Variants in MND1 observed in about 807,000 individuals in gnomAD.
The protein encoded by MND1 is meiotic nuclear division protein 1 homolog.
Under a neutral mutation model 35.1 loss-of-function variants are expected in MND1, and 28 were observed. The ratio of observed to expected loss-of-function variants is 0.80; its 90% confidence interval spans 0.59 to 1.09. The LOEUF is 1.09. MND1 is among the 50% of genes least tolerant of loss of function. The probability of loss-of-function intolerance (pLI) is 0.00; values close to 1 mark genes in which losing one functional copy is unlikely to be tolerated. For missense variants in MND1, 213 were observed against 239.6 expected (o/e 0.89, Z 0.73); for synonymous variants, 69 against 70.5 (o/e 0.98, Z 0.11).
chr4:153,354,040 A>G (rs933265606), intron 2 of MND1, among the ~76,000 whole-genome samples: 1 of 152,162 alleles, frequency 6.6e-6, no homozygotes, highest in Admixed American at 6.5e-5. Context: ...TTTTCTAATT[A>G]CTACATACTT....
chr4:153,395,914 G>A (rs775747157), intron 5 of MND1, among the ~76,000 whole-genome samples: 31 of 152,040 alleles, frequency 2.0e-4, no homozygotes, highest in Middle Eastern at 3.4e-3. Context: ...TTTTAGAGAT[G>A]GAATATCTCT....
intron 4 of MND1, among the ~76,000 whole-genome samples, chr4:153,380,852 A>G (rs1728658426): frequency 6.6e-6 from 1 of 152,074 alleles, no homozygotes; most frequent in Admixed American, 6.5e-5. Flanking sequence ...AAAGTATAAT[A>G]TTACAACTCT....
intron 4 of MND1, among the ~76,000 whole-genome samples, chr4:153,389,096 A>C (rs567976036): frequency 2.0e-5 from 3 of 152,248 alleles, no homozygotes; most frequent in Non-Finnish European, 4.4e-5. Flanking sequence ...AGGAAAGGGT[A>C]GGTATATGTA....
intron 4 of MND1, among the ~76,000 whole-genome samples, chr4:153,360,135 G>A (rs984683104): frequency 1.3e-4 from 20 of 152,096 alleles, no homozygotes; most frequent in African/African-American, 4.3e-4. Context: ...AAAAGGAGGT[G>A]TTTAGATCTT....
At chr4:153,358,227 A>T (rs192618465) in intron 3 of MND1, among the ~76,000 whole-genome samples, 38 of 152,276 alleles carry the variant, frequency 2.5e-4, no homozygotes, top group African/African-American at 7.5e-4. Flanking sequence ...CCTGTTCTTA[A>T]TCCTGTATAT....
At chr4:153,404,788 G>T (rs935887031) in intron 6 of MND1, among the ~76,000 whole-genome samples, 1 of 152,034 alleles carries the variant, frequency 6.6e-6, no homozygotes, top group Non-Finnish European at 1.5e-5. Flanking sequence ...CCAAAAATTC[G>T]TTCTTTAAGC....
At chr4:153,376,872 GT>G in intron 4 of MND1, among the ~76,000 whole-genome samples, 1 of 152,164 alleles carries the variant, frequency 6.6e-6, no homozygotes, top group African/African-American at 2.4e-5. Context: ...ACCTAGCACC[GT>G]TTTTGGCATG....
intron 4 of MND1, among the ~76,000 whole-genome samples, chr4:153,382,399 C>G (rs895388438): frequency 1.3e-5 from 2 of 152,146 alleles, no homozygotes; most frequent in African/African-American, 2.4e-5. Flanking sequence ...AGAATGTGTT[C>G]GCTTGCTTTC....
intron 6 of MND1, among the ~76,000 whole-genome samples, chr4:153,397,653 C>CA (rs11392102): frequency 0.22 from 32,473 of 145,400 alleles, 3,545 homozygotes; most frequent in South Asian, 0.24. Flanking sequence ...CCCATCTCTA[C>CA]AAAAAAAAAA....
At chr4:153,379,697 A>G (rs1464172895) in intron 4 of MND1, among the ~76,000 whole-genome samples, 1 of 151,854 alleles carries the variant, frequency 6.6e-6, no homozygotes. Flanking sequence ...TAAAAATACA[A>G]AAATTAGCTG....
In MND1 at chr4:153,415,031, G is replaced by T; in HGVS notation, c.*174G>T. 1 of 376,986 alleles carries T rather than the reference G, an allele frequency of 2.7e-6. No individual in the cohort carries two copies. Among genetic ancestry groups the T allele is most frequent in the Non-Finnish European group, 4.9e-6 (1 of 205,170 alleles). 23.4% of individuals were successfully genotyped at this position (376,986 alleles called of 1,614,324 possible). On this transcript the variant is annotated 3_prime_UTR_variant, in exon 8 of 8. Transcript: ENST00000240488. The stretch of plus-strand genomic sequence containing the variant: ...CACCCCTTTTGGTAGAACAAAAGCA[G>T]GATGATAACCATATCCCCCCAGTGC...
intron 4 of MND1, among the ~76,000 whole-genome samples, chr4:153,369,232 A>G (rs1773732741): frequency 6.6e-6 from 1 of 152,200 alleles, no homozygotes; most frequent in South Asian, 2.1e-4. Context: ...GGCTTCTCTC[A>G]AAGCAAGCTC....
intron 4 of MND1, among the ~76,000 whole-genome samples, chr4:153,385,305 T>C (rs1401531013): frequency 2.0e-5 from 3 of 152,150 alleles, no homozygotes; most frequent in African/African-American, 7.2e-5. Flanking sequence ...ATGAAAGAGA[T>C]TATTATTAAA....
chr4:153,350,036 T>C (rs1561052913), intron 1 of MND1, 28 bp from the exon 2 acceptor site: 1 of 1,496,598 alleles, frequency 6.7e-7, no homozygotes, highest in Non-Finnish European at 9.2e-7. Context: ...TTAAAAGCAT[T>C]GTTTACTTGT....
intron 6 of MND1, among the ~76,000 whole-genome samples, chr4:153,403,769 T>G (rs1729408101): frequency 6.6e-6 from 1 of 150,592 alleles, no homozygotes; most frequent in South Asian, 2.1e-4. Flanking sequence ...TTTAAATTAA[T>G]TATTACTTTT....
At chr4:153,364,311 A>G (rs1232918378) in intron 4 of MND1, among the ~76,000 whole-genome samples, 7 of 151,818 alleles carry the variant, frequency 4.6e-5, no homozygotes, top group African/African-American at 1.7e-4. Flanking sequence ...GAGCCTAGGA[A>G]TTCAAGACCA....
At chr4:153,403,582 G>C (rs1406011061) in intron 6 of MND1, among the ~76,000 whole-genome samples, 1 of 152,070 alleles carries the variant, frequency 6.6e-6, no homozygotes, top group Non-Finnish European at 1.5e-5. Context: ...CAATCCTGGG[G>C]AGGGGGAAGA....
At chr4:153,359,749 C>T (rs1773433205) in intron 4 of MND1, among the ~76,000 whole-genome samples, 1 of 149,554 alleles carries the variant, frequency 6.7e-6, no homozygotes, top group African/African-American at 2.5e-5. Flanking sequence ...TTTAAATTGC[C>T]ATTCTCTAAT....
Position 153,369,718 on chromosome 4 carries a change from C to T in MND1, c.276+11096C>T, listed in dbSNP as rs80013597. ...TTGCTGAAGGGTAGATGGCTATAGT[C>T]GTTTTTTAAAAATAAGACAACCGTG... On this transcript the variant is annotated intron_variant, in intron 4 of 7. Transcript: ENST00000240488. Among the ~76,000 whole-genome samples, 768 of 151,168 alleles carry T rather than the reference C, an allele frequency of 5.1e-3. 5 individuals are homozygous for T. The highest frequency in any genetic ancestry group is 0.017 in the African/African-American group (725 of 41,474).
Sources: allele counts gnomAD v4.1 joint callset (sites outside exome capture counted in the v4.1 genomes callset), GRCh38; gene constraint gnomAD v4.1.1; transcripts MANE v1.5; gene names NCBI Gene and HGNC (gene_info 2026-07-23, HGNC 2026-07-21).